The following FYN variants were observed in gnomAD, a reference collection of about 807,000 sequenced individuals.
The protein encoded by FYN is tyrosine-protein kinase Fyn.
In FYN, 10 loss-of-function variants were observed where a neutral mutation model predicts 70.2. That is an observed-to-expected ratio of 0.14 (90% confidence interval 0.09 to 0.24). FYN has a LOEUF of 0.24. FYN is among the 10% of genes least tolerant of loss of function. FYN has a pLI of 1.00. For missense variants in FYN, 319 were observed against 673.1 expected, an observed-to-expected ratio of 0.47 and a Z score of 5.82; for synonymous variants, 236 against 248.6, an observed-to-expected ratio of 0.95 and a Z score of 0.48.
At chr6:111,665,916 C>T (rs1583279275) in intron 13 of FYN, among the ~76,000 whole-genome samples, 1 of 151,974 alleles carries the variant, frequency 6.6e-6, no homozygotes, top group African/African-American at 2.4e-5. Flanking sequence ...AGCCACCATG[C>T]CCAGCCAGAA....
At chr6:111,735,231 G>A (rs1414258630) in intron 3 of FYN, among the ~76,000 whole-genome samples, 1 of 152,184 alleles carries the variant, frequency 6.6e-6, no homozygotes, top group Admixed American at 6.5e-5. Flanking sequence ...GGGTGCTAAG[G>A]CTGAAGAAGA....
intron 2 of FYN, among the ~76,000 whole-genome samples, chr6:111,806,805 G>A (rs759263155): frequency 3.3e-5 from 5 of 152,182 alleles, no homozygotes; most frequent in South Asian, 2.1e-4. Context: ...TAACTATGCC[G>A]AGACTAGGGT....
At chr6:111,727,652 CT>C in intron 3 of FYN, among the ~76,000 whole-genome samples, 1 of 152,166 alleles carries the variant, frequency 6.6e-6, no homozygotes, top group East Asian at 1.9e-4. Context: ...CCAAGCTTTG[CT>C]TCAGAAATAA....
At chr6:111,830,731 G>A (rs9487728) in intron 2 of FYN, among the ~76,000 whole-genome samples, 1,637 of 152,180 alleles carry the variant, frequency 0.011, 27 homozygotes, top group African/African-American at 0.038. Context: ...ATAGGGCAGA[G>A]GGAGAAGTTT....
chr6:111,699,067 G>A (rs1457174060), intron 9 of FYN, among the ~76,000 whole-genome samples: 1 of 152,202 alleles, frequency 6.6e-6, no homozygotes, highest in Non-Finnish European at 1.5e-5. Context: ...TAGTGATAGA[G>A]CAAGACTCCG....
chr6:111,705,730 T>G (rs1330369445), intron 6 of FYN, among the ~76,000 whole-genome samples: 12 of 152,150 alleles, frequency 7.9e-5, no homozygotes, highest in Admixed American at 7.9e-4. Flanking sequence ...GTGCCTGTAA[T>G]CTCAGCTATT....
chr6:111,802,569 C>G (rs1313983895), intron 2 of FYN, among the ~76,000 whole-genome samples: 1 of 151,956 alleles, frequency 6.6e-6, no homozygotes, highest in African/African-American at 2.4e-5. Context: ...ATAGCTGGGA[C>G]TACAGGTGCC....
At chr6:111,836,412 T>C (rs13340407) in intron 2 of FYN, among the ~76,000 whole-genome samples, 46,269 of 152,096 alleles carry the variant, frequency 0.3, 11,474 homozygotes, top group African/African-American at 0.69. Flanking sequence ...GATTTGGGCT[T>C]TAGCCCCCAA....
chr6:111,690,923 G>A (rs1799287411), intron 12 of FYN, among the ~76,000 whole-genome samples: 1 of 152,156 alleles, frequency 6.6e-6, no homozygotes, highest in Admixed American at 6.5e-5. Context: ...CTTGATATCA[G>A]TAGCTCCTAG....
At chr6:111,765,014 A>T (rs1458672593) in intron 3 of FYN, among the ~76,000 whole-genome samples, 1 of 151,626 alleles carries the variant, frequency 6.6e-6, no homozygotes, top group Non-Finnish European at 1.5e-5. Context: ...GTGGGCTGGG[A>T]TCATGCGGAG....
chr6:111,734,049 T>C (rs1801587863), intron 3 of FYN, among the ~76,000 whole-genome samples: 1 of 152,118 alleles, frequency 6.6e-6, no homozygotes, highest in African/African-American at 2.4e-5. Context: ...TTCGTGCTAC[T>C]ACACTCCAGC....
rs9400509 is a variant in FYN, at chr6:111,829,853, T to G, written c.-82+16736A>C. Among the ~76,000 whole-genome samples, 3 of 152,212 alleles carry G rather than the reference T, an allele frequency of 2.0e-5. No homozygotes were observed. In the South Asian group the frequency reaches 6.2e-4, roughly 32 times the overall value. On this transcript the variant is annotated intron_variant, in intron 2 of 13. Coordinates refer to ENST00000354650, the MANE Select transcript of FYN (RefSeq NM_002037.5). ...TTAAGGGCCTACCCTGTGCCTGGCTTGGTGCTAGGATGTGGAGAAGAACAG... is the reference window on the plus strand; with the variant it reads ...TTAAGGGCCTACCCTGTGCCTGGCTGGGTGCTAGGATGTGGAGAAGAACAG...
chr6:111,702,633 T>C, intron 8 of FYN: 1 of 358,376 alleles, frequency 2.8e-6, no homozygotes, highest in Non-Finnish European at 5.0e-6. Context: ...AAATTTAACC[T>C]ATTGCTTTCT....
At chr6:111,678,151 G>T (rs1176793503) in intron 12 of FYN, among the ~76,000 whole-genome samples, 4 of 104,776 alleles carry the variant, frequency 3.8e-5, no homozygotes, top group African/African-American at 1.6e-4. Flanking sequence ...TGTGTGTGTG[G>T]TGTGTGTACT....
At chr6:111,699,038 G>A (rs35614968) in intron 9 of FYN, among the ~76,000 whole-genome samples, 3,464 of 152,256 alleles carry the variant, frequency 0.023, 58 homozygotes, top group Non-Finnish European at 0.031. Flanking sequence ...AGCCAATATC[G>A]CGCCATTGCA....
intron 12 of FYN, among the ~76,000 whole-genome samples, chr6:111,687,046 T>C (rs1186574832): frequency 2.0e-5 from 3 of 152,244 alleles, no homozygotes; most frequent in Non-Finnish European, 4.4e-5. Context: ...CTACTGTGCT[T>C]TTTGAATCTA....
At position 111,661,670 on chromosome 6, in the gene FYN, G is replaced by A. The variant is rs942978552; in HGVS notation, c.*69C>T. The A allele has an allele frequency of 1.5e-5, 21 of 1,436,184 alleles. No individual in the cohort carries two copies. The highest frequency in any genetic ancestry group is 2.0e-5 in the Non-Finnish European group (21 of 1,043,646). 89.0% of individuals were successfully genotyped at this position (1,436,184 alleles called of 1,614,324 possible). A position where few individuals can be genotyped will look rare whatever the true frequency, so the allele number is the denominator to read the frequency against. On this transcript the variant is annotated 3_prime_UTR_variant, in exon 14 of 14. Coordinates refer to ENST00000354650, the MANE Select transcript of FYN (RefSeq NM_002037.5). The surrounding 1 kb of genome is among the most constrained non-coding windows in gnomAD (Gnocchi z 4.0). ...CCGCTGCTGGGGAGCAGCTGGCTAC[G>A]GAATTGAAAGCTAATGGGGAGGGGT...
intron 3 of FYN, among the ~76,000 whole-genome samples, chr6:111,776,598 A>G (rs1770952233): frequency 6.6e-6 from 1 of 152,214 alleles, no homozygotes; most frequent in African/African-American, 2.4e-5. Context: ...TTGAGAGAAT[A>G]TTACACCACA....
At position 111,771,368 on chromosome 6, in the gene FYN, T is replaced by C. The variant is rs373566798; in HGVS notation, c.-12+9198A>G. Reference sequence around the variant, plus strand: ...TGATATGTAGAAGGAAATGTATTTGTTTTCCTTTAAACTTACATATGAAAT... The same window carrying C: ...TGATATGTAGAAGGAAATGTATTTGCTTTCCTTTAAACTTACATATGAAAT... On this transcript the variant is annotated intron_variant, in intron 3 of 13. Coordinates refer to ENST00000354650, the MANE Select transcript of FYN (RefSeq NM_002037.5). Among the ~76,000 whole-genome samples, 9 of 152,306 alleles carry C rather than the reference T, an allele frequency of 5.9e-5. No individual in the cohort carries two copies. In the South Asian group the frequency reaches 1.7e-3, roughly 28 times the overall value.
Sources: gnomAD v4.1 joint callset for allele counts (sites outside exome capture counted in the v4.1 genomes callset) on GRCh38, gnomAD v4.1.1 for gene constraint, Gnocchi (gnomAD v3.1) non-coding constraint, MANE v1.5 for transcripts, NCBI Gene and HGNC (gene_info 2026-07-23, HGNC 2026-07-21) for gene names.